Variants in PARVB observed in about 807,000 individuals in gnomAD.
The protein encoded by PARVB is parvin beta.
In PARVB, 46 loss-of-function variants were observed where a neutral mutation model predicts 47.0. The ratio of observed to expected loss-of-function variants is 0.98; its 90% CI spans 0.77 to 1.25. The LOEUF (loss-of-function observed/expected upper bound fraction) is 1.25, where lower values mean the gene tolerates loss of function less well. PARVB is among the 50% of genes most tolerant of loss of function. The pLI is 0.00. For synonymous variants in PARVB, 196 were observed against 196.3 expected (o/e 1.00, Z 0.01); for missense variants, 473 against 471.6 (o/e 1.00, Z -0.03).
intron 1 of PARVB, among the ~76,000 whole-genome samples, chr22:44,054,509 T>C (rs2051267912): frequency 6.6e-6 from 1 of 151,702 alleles, no homozygotes; most frequent in South Asian, 2.1e-4. Context: ...GCTCCTCAGC[T>C]AGAAGAGTTA....
chr22:44,165,894 C>T (rs2054156918), intron 12 of PARVB, among the ~76,000 whole-genome samples: 4 of 152,364 alleles, frequency 2.6e-5, no homozygotes, highest in East Asian at 3.9e-4. Context: ...GCTGCTAGCT[C>T]GGCGTTAGTG....
upstream of PARVB, among the ~76,000 whole-genome samples, chr22:44,021,496 G>A (rs1002146664): frequency 4.6e-5 from 7 of 152,268 alleles, no homozygotes; most frequent in African/African-American, 1.4e-4. Context: ...CAGGACTATC[G>A]TTCCCCTTTA....
At chr22:44,093,842 G>T in intron 1 of PARVB, 86 bp from the exon 2 acceptor site, 1 of 772,620 alleles carries the variant, frequency 1.3e-6, no homozygotes, top group East Asian at 2.6e-5. Flanking sequence ...AACAGGAATT[G>T]ATTTCTCTCT....
chr22:44,172,763 C>G lies in PARVB; in HGVS notation c.*4085C>G, dbSNP rs1448615729. 1.3e-5 allele frequency: 4 copies of G among 299,964 alleles called. No homozygotes were observed. Among genetic ancestry groups the G allele is most frequent in the African/African-American group, 2.3e-5 (1 of 44,024 alleles). The allele number at this position is 299,964 out of a possible 1,614,324, so 18.6% of individuals were successfully genotyped here. ...ATTTCTGGATGTTATATAAAAGCCA[C>G]GAAAACCCTGGCCATGCTGTTTGTC... On this transcript the variant is annotated 3_prime_UTR_variant, in exon 13 of 13. Coordinates refer to ENST00000338758, the MANE Select transcript of PARVB (RefSeq NM_013327.5).
intron 6 of PARVB, among the ~76,000 whole-genome samples, chr22:44,134,420 C>T (rs1233800651): frequency 6.6e-6 from 1 of 152,184 alleles, no homozygotes; most frequent in East Asian, 1.9e-4. Flanking sequence ...GCTCGGGGCC[C>T]CAGGAGCCCT....
At chr22:44,116,219 C>G (rs11705133) in intron 3 of PARVB, 52,212 of 152,092 alleles carry the variant, frequency 0.34, 9,530 homozygotes, top group African/African-American at 0.47. Flanking sequence ...TGGGGTTTGT[C>G]TGATGCTTTC....
intron 12 of PARVB, among the ~76,000 whole-genome samples, chr22:44,166,821 C>A (rs953475438): frequency 1.3e-5 from 2 of 152,246 alleles, no homozygotes; most frequent in Non-Finnish European, 2.9e-5. Flanking sequence ...ACTTTTCCTT[C>A]TTCATTCAAA....
chr22:44,002,432 G>T (rs185486214), intron 2 of PARVB, among the ~76,000 whole-genome samples: 18 of 152,316 alleles, frequency 1.2e-4, no homozygotes, highest in African/African-American at 4.3e-4. Flanking sequence ...GTGAAATGGG[G>T]TAGTCGAGCC....
intron 2 of PARVB, among the ~76,000 whole-genome samples, chr22:44,096,693 G>C (rs1292531462): frequency 6.6e-6 from 1 of 152,150 alleles, no homozygotes; most frequent in Non-Finnish European, 1.5e-5. Context: ...CCAGAGCTAG[G>C]CTCCTCCCCC....
intron 1 of PARVB, among the ~76,000 whole-genome samples, chr22:44,064,606 AG>A (rs2051483548): frequency 6.6e-6 from 1 of 152,204 alleles, no homozygotes; most frequent in South Asian, 2.1e-4. Context: ...TGGGAGGCAG[AG>A]GCTGGAGGAT....
chr22:44,013,930 G>T (rs1401981172), intron 2 of PARVB, among the ~76,000 whole-genome samples: 1 of 152,196 alleles, frequency 6.6e-6, no homozygotes, highest in Non-Finnish European at 1.5e-5. Flanking sequence ...ACCATGCCTG[G>T]CTCGGTGTAA....
At chr22:44,069,050 T>C in intron 1 of PARVB, 6 of 1,462,366 alleles carry the variant, frequency 4.1e-6, no homozygotes, top group Non-Finnish European at 5.7e-6. Context: ...GTGCAAGTCA[T>C]AGTGGCGCCC....
At chr22:44,010,119 T>C (rs918539223) in intron 2 of PARVB, among the ~76,000 whole-genome samples, 2 of 152,184 alleles carry the variant, frequency 1.3e-5, no homozygotes, top group African/African-American at 2.4e-5. Context: ...TATGAATCTT[T>C]AAAATTGCAA....
At chr22:44,084,983 G>A (rs1177615024) in intron 1 of PARVB, among the ~76,000 whole-genome samples, 1 of 152,230 alleles carries the variant, frequency 6.6e-6, no homozygotes, top group Non-Finnish European at 1.5e-5. Context: ...GCCTCCCTCT[G>A]TCTCCTCCTT....
intron 10 of PARVB, among the ~76,000 whole-genome samples, chr22:44,154,624 T>C (rs2053882403): frequency 1.3e-5 from 2 of 150,334 alleles, no homozygotes; most frequent in African/African-American, 4.9e-5. Flanking sequence ...GTTTATGTAG[T>C]CTGTGTGGTG....
rs552528397 is a variant in PARVB at position 44,101,370 on chromosome 22, A to C, written c.273+1247A>C. Among the ~76,000 whole-genome samples the C allele has an allele frequency of 9.2e-4, 140 of 151,992 alleles. 1 individual carries two copies. The highest frequency in any genetic ancestry group is 3.1e-3 in the African/African-American group (130 of 41,348). On this transcript the variant is annotated intron_variant, in intron 3 of 12. Transcript: ENST00000338758. The stretch of plus-strand genomic sequence containing the variant: ...GCCTGCAGTGAGCCGAGATCGCGCC[A>C]CTGCACTCCAACCTGGGCGACAGCG...
intron 8 of PARVB, chr22:44,145,682 G>A (rs997490137): frequency 1.6e-4 from 24 of 152,298 alleles, no homozygotes; most frequent in African/African-American, 5.8e-4. Context: ...CTGCCTTGTG[G>A]ACTGTGTGAC....
intron 11 of PARVB, among the ~76,000 whole-genome samples, chr22:44,161,309 T>TTTC (rs2054046724): frequency 3.9e-5 from 2 of 50,824 alleles, no homozygotes; most frequent in South Asian, 8.3e-4. Flanking sequence ...TTTTCTTTTC[T>TTTC]TTTTTTTTTT....
chr22:44,049,509 A>G lies in PARVB; in HGVS notation c.112+25058A>G, dbSNP rs1031704077. Reference sequence around the variant, plus strand: ...GCATAAAAATATCTGCGGAGTGAAAATGTGTGCAGAGGATGCACTGCGTGC... The same window carrying G: ...GCATAAAAATATCTGCGGAGTGAAAGTGTGTGCAGAGGATGCACTGCGTGC... On this transcript the variant is annotated intron_variant, in intron 1 of 12. Coordinates refer to ENST00000338758, the MANE Select transcript of PARVB (RefSeq NM_013327.5). This position sits in a 1 kb window ranked among gnomAD's most constrained non-coding sequence, Gnocchi z 4.0. Among the ~76,000 whole-genome samples, 4 of 152,186 alleles carry G rather than the reference A, an allele frequency of 2.6e-5. No homozygotes were observed. Among genetic ancestry groups the G allele is most frequent in the South Asian group, 2.1e-4 (1 of 4,822 alleles).
Sources: gnomAD v4.1 joint callset for allele counts (sites outside exome capture counted in the v4.1 genomes callset) on GRCh38, gnomAD v4.1.1 for gene constraint, Gnocchi (gnomAD v3.1) non-coding constraint, MANE v1.5 for transcripts, NCBI Gene and HGNC (gene_info 2026-07-23, HGNC 2026-07-21) for gene names.